The following NUDCD3 variants were observed in gnomAD, a reference collection of about 807,000 sequenced individuals.
The protein encoded by NUDCD3 is NudC domain containing 3.
A neutral mutation model predicts 39.7 loss-of-function variants in NUDCD3; 13 were observed. The ratio of observed to expected loss-of-function variants is 0.33; its 90% CI spans 0.21 to 0.52. The LOEUF (loss-of-function observed/expected upper bound fraction) is 0.52. NUDCD3 is among the 20% of genes least tolerant of loss of function. The pLI is 0.96. For missense variants in NUDCD3, 453 were observed against 458.1 expected (o/e 0.99, Z 0.10); for synonymous variants, 175 against 172.4 (o/e 1.02, Z -0.12).
intron 2 of NUDCD3, among the ~76,000 whole-genome samples, chr7:44,472,680 T>C (rs1480847117): frequency 6.6e-6 from 1 of 152,230 alleles, no homozygotes; most frequent in East Asian, 1.9e-4. Context: ...AATGGTTTAG[T>C]ATTTGTAGAT....
intron 2 of NUDCD3, among the ~76,000 whole-genome samples, chr7:44,454,105 C>T (rs1799845862): frequency 1.3e-5 from 2 of 152,062 alleles, no homozygotes; most frequent in South Asian, 2.1e-4. Flanking sequence ...TTTGGGAGGC[C>T]GAGGCAGGCA....
At chr7:44,418,138 G>C (rs1406065484) in intron 3 of NUDCD3, among the ~76,000 whole-genome samples, 1 of 152,156 alleles carries the variant, frequency 6.6e-6, no homozygotes, top group African/African-American at 2.4e-5. Flanking sequence ...TGGTCATGGA[G>C]TCGGAAGGCA....
In NUDCD3 at chr7:44,385,886, T is replaced by C; in HGVS notation, c.*125A>G. 1 of 642,298 alleles carries C rather than the reference T, an allele frequency of 1.6e-6. No individual in the cohort carries two copies. The highest frequency in any genetic ancestry group is 2.8e-6 in the Non-Finnish European group (1 of 351,886). The allele number at this position is 642,298 out of a possible 1,614,324, so 39.8% of individuals were successfully genotyped here. The stretch of plus-strand genomic sequence containing the variant: ...TCAGGGTGGAAGGCCTGGTTCACCC[T>C]TGAAAGAAAGGATGGCTAGGGGTAA... On this transcript the variant is annotated 3_prime_UTR_variant, in exon 6 of 6. Coordinates refer to ENST00000355451, the MANE Select transcript of NUDCD3 (RefSeq NM_015332.4).
At chr7:44,487,251 A>G (rs977937830) in intron 1 of NUDCD3, among the ~76,000 whole-genome samples, 4 of 152,188 alleles carry the variant, frequency 2.6e-5, no homozygotes, top group African/African-American at 7.2e-5. Flanking sequence ...AACTTTTAAA[A>G]GGAAACGTAT....
At chr7:44,410,199 C>T (rs1798897139) in intron 3 of NUDCD3, among the ~76,000 whole-genome samples, 1 of 152,076 alleles carries the variant, frequency 6.6e-6, no homozygotes, top group South Asian at 2.1e-4. Context: ...GGGAGCCAGC[C>T]TCACCTAGAT....
At chr7:44,449,400 T>C (rs953773548) in intron 2 of NUDCD3, among the ~76,000 whole-genome samples, 3 of 152,180 alleles carry the variant, frequency 2.0e-5, no homozygotes, top group African/African-American at 7.2e-5. Context: ...AGAAAGCCAC[T>C]GTATTCATAA....
chr7:44,425,468 G>A (rs987926055), intron 3 of NUDCD3, among the ~76,000 whole-genome samples: 1 of 152,004 alleles, frequency 6.6e-6, no homozygotes, highest in Non-Finnish European at 1.5e-5. Context: ...ATTTTGCATT[G>A]TTACTTGAGA....
intron 3 of NUDCD3, among the ~76,000 whole-genome samples, chr7:44,405,485 C>T (rs1463186199): frequency 1.3e-5 from 2 of 152,216 alleles, no homozygotes; most frequent in Non-Finnish European, 2.9e-5. Context: ...TAAAACAGAA[C>T]TTCCATTTAC....
chr7:44,416,579 A>C (rs1799028192), intron 3 of NUDCD3, among the ~76,000 whole-genome samples: 1 of 152,160 alleles, frequency 6.6e-6, no homozygotes, highest in Non-Finnish European at 1.5e-5. Flanking sequence ...AGGAGAAAAA[A>C]GTTTTTCCAA....
chr7:44,470,952 A>G (rs1800243856), intron 2 of NUDCD3, among the ~76,000 whole-genome samples: 1 of 152,246 alleles, frequency 6.6e-6, no homozygotes, highest in African/African-American at 2.4e-5. Context: ...CATTCATGAG[A>G]TATGTTAAAA....
intron 3 of NUDCD3, among the ~76,000 whole-genome samples, chr7:44,407,191 C>G (rs1298960792): frequency 6.6e-6 from 1 of 151,126 alleles, no homozygotes; most frequent in Non-Finnish European, 1.5e-5. Flanking sequence ...GTGGGACGAG[C>G]AGGTTTCAGA....
chr7:44,476,719 G>C (rs1227118825), intron 2 of NUDCD3, among the ~76,000 whole-genome samples: 2 of 152,150 alleles, frequency 1.3e-5, no homozygotes, highest in African/African-American at 2.4e-5. Flanking sequence ...TGCACTGGGG[G>C]GGTCATCTCA....
At chr7:44,390,684 T>C (rs535324451) in intron 5 of NUDCD3, among the ~76,000 whole-genome samples, 3 of 152,212 alleles carry the variant, frequency 2.0e-5, no homozygotes, top group Non-Finnish European at 4.4e-5. Flanking sequence ...AGTCCTTTTG[T>C]GGACCCAATG....
At chr7:44,402,298 T>C (rs922611776) in intron 4 of NUDCD3, among the ~76,000 whole-genome samples, 2 of 152,206 alleles carry the variant, frequency 1.3e-5, no homozygotes, top group South Asian at 2.1e-4. Flanking sequence ...ATGGCGGCCA[T>C]TATTAAAAGA....
intron 5 of NUDCD3, among the ~76,000 whole-genome samples, chr7:44,389,209 C>T (rs979448074): frequency 6.6e-6 from 1 of 152,338 alleles, no homozygotes; most frequent in African/African-American, 2.4e-5. Context: ...TGCATACATA[C>T]AATGTGTAGT....
intron 3 of NUDCD3, among the ~76,000 whole-genome samples, chr7:44,416,867 C>T (rs1307384777): frequency 1.3e-5 from 2 of 152,160 alleles, no homozygotes; most frequent in African/African-American, 2.4e-5. Flanking sequence ...TGGCTGAGAC[C>T]ATGCACACAC....
chr7:44,490,427 C>G lies in NUDCD3; in HGVS notation c.174G>C (p.Ala58=). ...GCCTCACCTGCAGCACCAAGGCCTG[C>G]GCGGCCCCGGGCGGGAAGCCCATGC... ...SDRMGFPPGA[A]QALVLQVFKT... is the part of the protein sequence containing the mutation. Residue 58 remains alanine (A), a synonymous_variant, in exon 1 of 6, where the codon GCG becomes GCC. Transcript: ENST00000355451. 5 of 1,576,164 alleles carry G rather than the reference C, an allele frequency of 3.2e-6. No individual in the cohort carries two copies. Among genetic ancestry groups the G allele is most frequent in the Non-Finnish European group, 4.3e-6 (5 of 1,162,080 alleles).
At chr7:44,390,752 T>C (rs1287630969) in intron 5 of NUDCD3, among the ~76,000 whole-genome samples, 1 of 152,028 alleles carries the variant, frequency 6.6e-6, no homozygotes, top group African/African-American at 2.4e-5. Flanking sequence ...AACACTACCA[T>C]GAGAAGCCCT....
At chr7:44,417,077 T>C (rs967946303) in intron 3 of NUDCD3, among the ~76,000 whole-genome samples, 4 of 152,226 alleles carry the variant, frequency 2.6e-5, no homozygotes, top group Admixed American at 1.3e-4. Context: ...TGTACCCCAC[T>C]GGGATATAAG....
Sources: gnomAD v4.1 joint callset for allele counts (sites outside exome capture counted in the v4.1 genomes callset) on GRCh38, gnomAD v4.1.1 for gene constraint, MANE v1.5 for transcripts, NCBI Gene and HGNC (gene_info 2026-07-23, HGNC 2026-07-21) for gene names.